ALS2CL: variants seen among roughly 807,000 people sequenced by gnomAD.
ALS2CL encodes the protein ALS2 C-terminal-like protein.
ALS2CL carries 112 observed loss-of-function variants against 127.9 expected under a neutral mutation model. The ratio of observed to expected loss-of-function variants is 0.88; its 90% CI spans 0.75 to 1.02. The LOEUF (loss-of-function observed/expected upper bound fraction) is 1.02, where lower values mean the gene tolerates loss of function less well. ALS2CL is among the 50% of genes least tolerant of loss of function. The pLI, the probability that ALS2CL is intolerant of heterozygous loss-of-function variation, is 0.00. For missense variants in ALS2CL, 1,174 were observed against 1,236.7 expected (o/e 0.95, Z 0.76); for synonymous variants, 519 against 527.6 (o/e 0.98, Z 0.22).
intron 4 of ALS2CL, 138 bp from the exon 5 acceptor site, chr3:46,687,286 A>G (rs868706753): frequency 3.1e-6 from 3 of 975,060 alleles, no homozygotes; most frequent in African/African-American, 3.3e-5. Context: ...TATCAGATCA[A>G]CACAGTACCT....
intron 14 of ALS2CL, 128 bp downstream of exon 14, chr3:46,680,302 G>C: frequency 9.9e-7 from 1 of 1,011,438 alleles, no homozygotes; most frequent in Non-Finnish European, 1.5e-6. Context: ...CCAGGTTCTG[G>C]CTCCCTCCAG....
intron 14 of ALS2CL, 60 bp from the exon 15 acceptor site, chr3:46,679,347 A>C: frequency 2.8e-6 from 4 of 1,415,268 alleles, no homozygotes; most frequent in Non-Finnish European, 3.9e-6. Flanking sequence ...CAGGAAACTC[A>C]GGGTGGAGAG....
Position 46,684,066 on chromosome 3 carries a change from AG to A in ALS2CL, c.787-20del. The A allele has an allele frequency of 6.4e-7, 1 of 1,552,024 alleles. No homozygotes were observed. The highest frequency in any genetic ancestry group is 8.7e-7 in the Non-Finnish European group (1 of 1,147,598). ...TGTGGCCCTGGAAGAGGATGGACAC[AG>A]GAGTCATCCAGAGCCCAGGCCAGAT... On this transcript the variant is annotated intron_variant, in intron 7 of 25. Coordinates refer to ENST00000318962, the MANE Select transcript of ALS2CL (RefSeq NM_147129.5).
Position 46,687,102 on chromosome 3 carries a change from C to A in ALS2CL, c.415G>T (p.Gly139Cys). 6.3e-7 allele frequency: 1 copy of A among 1,580,374 alleles called. No individual in the cohort carries two copies. Among genetic ancestry groups the A allele is most frequent in the East Asian group, 2.3e-5 (1 of 43,898 alleles). Residue 139 changes from glycine (G) to cysteine (C), a missense_variant, in exon 5 of 26, where the codon GGT (glycine) becomes TGT (cysteine). Physicochemically the swap from Gly to Cys is radical, Grantham distance 159. Coordinates refer to ENST00000318962, the MANE Select transcript of ALS2CL (RefSeq NM_147129.5). ...QRKALRQLLS[G>C]VSSEGSVGAS... ...CCCACCGAGCCCTCTGAGCTCACAC[C>A]TGAAAGCAGCTGCCGCAGCGCCTTC...
chr3:46,672,648 G>T (rs1332566006), intron 22 of ALS2CL, among the ~76,000 whole-genome samples: 1 of 152,148 alleles, frequency 6.6e-6, no homozygotes, highest in Non-Finnish European at 1.5e-5. Context: ...AGCCTGGCAG[G>T]CACATTTTGA....
chr3:46,681,122 G>C lies in ALS2CL; in HGVS notation c.1436+124C>G. 1.4e-6 allele frequency: 2 copies of C among 1,450,952 alleles called. No homozygotes were observed. Among genetic ancestry groups the C allele is most frequent in the Non-Finnish European group, 1.9e-6 (2 of 1,039,796 alleles). 89.9% of individuals were successfully genotyped at this position (1,450,952 alleles called of 1,614,324 possible). On this transcript the variant is annotated intron_variant, in intron 13 of 25. Coordinates refer to ENST00000318962, the MANE Select transcript of ALS2CL (RefSeq NM_147129.5). The surrounding 1 kb of genome is among the most constrained non-coding windows in gnomAD (Gnocchi z 4.9). Reference sequence around the variant, plus strand: ...TCCGCAGCAACCGAGGGACTGGAGGGGAAGTGAGGGGCTTAAGAGAGACAC... The same window carrying C: ...TCCGCAGCAACCGAGGGACTGGAGGCGAAGTGAGGGGCTTAAGAGAGACAC...
At chr3:46,690,949 C>CA (rs1700113820) in intron 1 of ALS2CL, among the ~76,000 whole-genome samples, 1 of 152,254 alleles carries the variant, frequency 6.6e-6, no homozygotes, top group African/African-American at 2.4e-5. Flanking sequence ...AGGCCCAGGC[C>CA]AGGCATTCCT....
At chr3:46,678,499 G>T in intron 15 of ALS2CL, 110 bp from the exon 16 acceptor site, 2 of 1,389,672 alleles carry the variant, frequency 1.4e-6, no homozygotes, top group Non-Finnish European at 1.9e-6. Context: ...AAGGACTAAT[G>T]AATGGGCTTC....
In ALS2CL at chr3:46,683,355, G is replaced by C. The variant is rs541367362; in HGVS notation, c.913-29C>G. 2.6e-6 allele frequency: 4 copies of C among 1,557,538 alleles called. No homozygotes were observed. In the South Asian group the frequency reaches 4.7e-5, roughly 18 times the overall value. On this transcript the variant is annotated intron_variant, in intron 9 of 25. Coordinates refer to ENST00000318962, the MANE Select transcript of ALS2CL (RefSeq NM_147129.5). ...GTGGGAGGGGGAACATGGGGAAGGGGATCACTGCTGCTGGAGGCTTTCCCT... is the reference window on the plus strand; with the variant it reads ...GTGGGAGGGGGAACATGGGGAAGGGCATCACTGCTGCTGGAGGCTTTCCCT...
chr3:46,678,520 T>C, intron 15 of ALS2CL, 131 bp from the exon 16 acceptor site: 2 of 1,242,788 alleles, frequency 1.6e-6, no homozygotes, highest in South Asian at 1.7e-5. Flanking sequence ...CCGCCATCCA[T>C]TCAAGCTGCT....
At position 46,685,510 on chromosome 3, in the gene ALS2CL, C is replaced by T; in HGVS notation, c.786+15G>A. 6.2e-7 allele frequency: 1 copy of T among 1,612,448 alleles called. No individual in the cohort carries two copies. The highest frequency in any genetic ancestry group is 1.7e-5 in the Admixed American group (1 of 59,966). On this transcript the variant is annotated intron_variant, in intron 7 of 25. Transcript: ENST00000318962. ...CTACTGTGGCCTCAAGACCTTGGGT[C>T]AGCCCCACCCCAACCTGCAGCAGGA...
At position 46,681,556 on chromosome 3, in the gene ALS2CL, G is replaced by T; in HGVS notation, c.1218C>A (p.Phe406Leu). The T allele has an allele frequency of 6.2e-7, 1 of 1,614,102 alleles. No homozygotes were observed. Among genetic ancestry groups the T allele is most frequent in the Non-Finnish European group, 8.5e-7 (1 of 1,179,984 alleles). The part of the protein sequence containing the change: ...RLLPQASEDK[F>L]DCYKCHWREG... The stretch of plus-strand genomic sequence containing the variant: ...CTCGCCAGTGACACTTGTAACAGTC[G>T]AACTTGTCCTCAGAGGCCTGGGGCA... The change falls in exon 12 of 26, where the codon TTC becomes TTA. Residue 406 changes from phenylalanine (F) to leucine (L), a missense_variant. By Grantham distance (22) the Phe-to-Leu change is conservative. Coordinates refer to ENST00000318962, the MANE Select transcript of ALS2CL (RefSeq NM_147129.5). This position sits in a 1 kb window ranked among gnomAD's most constrained non-coding sequence, Gnocchi z 4.9.
chr3:46,670,971 A>G lies in ALS2CL; in HGVS notation c.*13T>C, dbSNP rs189148441. On this transcript the variant is annotated 3_prime_UTR_variant, in exon 26 of 26. Coordinates refer to ENST00000318962, the MANE Select transcript of ALS2CL (RefSeq NM_147129.5). The surrounding 1 kb of genome is among the most constrained non-coding windows in gnomAD (Gnocchi z 5.5). ...CCCTGCTCAGCTCTTCAGTCTGTCC[A>G]GGAAAGGCCAGGCTACCAGAGCTCC... The G allele has an allele frequency of 2.8e-5, 45 of 1,611,802 alleles. No individual in the cohort carries two copies. The East Asian group carries it at 9.4e-4, about 34-fold the overall frequency.
At chr3:46,687,566 TC>T (rs957634084) in intron 4 of ALS2CL, 52 bp downstream of exon 4, 1 of 1,593,636 alleles carries the variant, frequency 6.3e-7, no homozygotes, top group African/African-American at 1.3e-5. Context: ...GACCCCACCC[TC>T]ACTCAGGCAC....
chr3:46,692,225 G>A (rs1700201403), intron 1 of ALS2CL, among the ~76,000 whole-genome samples: 1 of 152,166 alleles, frequency 6.6e-6, no homozygotes, highest in Non-Finnish European at 1.5e-5. Context: ...GCTTCATCCT[G>A]GAAGTGATGA....
chr3:46,686,284 C>G lies in ALS2CL; in HGVS notation c.666+24G>C. Reference sequence around the variant, plus strand: ...GCCCAATGTGGAACCCCCTCCCTAACTGCCCCTCAGGCCCCCAACTCACCC... The same window carrying G: ...GCCCAATGTGGAACCCCCTCCCTAAGTGCCCCTCAGGCCCCCAACTCACCC... On this transcript the variant is annotated intron_variant, in intron 6 of 25. Transcript: ENST00000318962. This position sits in a 1 kb window ranked among gnomAD's most constrained non-coding sequence, Gnocchi z 4.3. 6.3e-6 allele frequency: 10 copies of G among 1,588,626 alleles called. No homozygotes were observed. The highest frequency in any genetic ancestry group is 8.6e-6 in the Non-Finnish European group (10 of 1,167,266).
Position 46,671,909 on chromosome 3 carries a change from G to A in ALS2CL, c.2659C>T (p.Leu887Phe). 1 of 1,613,938 alleles carries A rather than the reference G, an allele frequency of 6.2e-7. No individual in the cohort carries two copies. The highest frequency in any genetic ancestry group is 8.5e-7 in the Non-Finnish European group (1 of 1,180,006). Residue 887 changes from leucine (L) to phenylalanine (F), a missense_variant, in exon 24 of 26, where the codon CTC becomes TTC. Physicochemically the swap from Leu to Phe is conservative, Grantham distance 22. Transcript: ENST00000318962. ...CGGGCGCGCGACACCACGTAGATGA[G>A]AAGTGGCAGCAGGTCGTCCATGGGC... Reference protein sequence around the residue: ...KLPMDDLLPLLIYVVSRARIQ... With the variant: ...KLPMDDLLPLFIYVVSRARIQ...
rs187994419 is a variant in ALS2CL, at chr3:46,681,482, C to A, written c.1274+18G>T. 2 of 1,614,082 alleles carry A rather than the reference C, an allele frequency of 1.2e-6. No homozygotes were observed. The highest frequency in any genetic ancestry group is 1.7e-6 in the Non-Finnish European group (2 of 1,179,938). ...AGGATGGGCCCAGCCCATGAACCCCCCAGCCAGGGTCACTTACTCACAGAT... is the reference window on the plus strand; with the variant it reads ...AGGATGGGCCCAGCCCATGAACCCCACAGCCAGGGTCACTTACTCACAGAT... On this transcript the variant is annotated intron_variant, in intron 12 of 25. Coordinates refer to ENST00000318962, the MANE Select transcript of ALS2CL (RefSeq NM_147129.5). This position sits in a 1 kb window ranked among gnomAD's most constrained non-coding sequence, Gnocchi z 4.9.
intron 25 of ALS2CL, 113 bp from the exon 26 acceptor site, chr3:46,671,177 T>C: frequency 1.7e-6 from 2 of 1,169,206 alleles, no homozygotes; most frequent in Non-Finnish European, 2.5e-6. Flanking sequence ...AGAGGAGGCG[T>C]GTCTCCAACT....
Sources: allele counts gnomAD v4.1 joint callset (sites outside exome capture counted in the v4.1 genomes callset), GRCh38; gene constraint gnomAD v4.1.1; non-coding constraint Gnocchi (gnomAD v3.1); transcripts MANE v1.5; gene names NCBI Gene and HGNC (gene_info 2026-07-23, HGNC 2026-07-21).